The following AKAP9 variants were observed in gnomAD, a reference collection of about 807,000 sequenced individuals.
AKAP9 encodes A-kinase anchor protein 9.
In AKAP9, 311 loss-of-function variants were observed where a neutral mutation model predicts 488.5. That is an observed-to-expected ratio of 0.64 (90% CI 0.58 to 0.70). The LOEUF (loss-of-function observed/expected upper bound fraction) is 0.70, where lower values mean the gene tolerates loss of function less well. Ranked by LOEUF, AKAP9 falls within the 30% of genes least tolerant of loss-of-function variation. AKAP9 has a pLI of 0.00. For synonymous variants in AKAP9, 1,462 were observed against 1,483.5 expected (o/e 0.99, Z 0.33); for missense variants, 4,215 against 4,374.5 (o/e 0.96, Z 1.03).
chr7:92,050,028 AC>A (rs1468878258), intron 21 of AKAP9, among the ~76,000 whole-genome samples: 3 of 148,136 alleles, frequency 2.0e-5, no homozygotes, highest in Non-Finnish European at 3.0e-5. Flanking sequence ...GAATTTTCTC[AC>A]CTTTGTTCCC....
In AKAP9 at chr7:92,012,650, G is replaced by A; in HGVS notation, c.3532+8G>A. On this transcript the variant is annotated splice_region_variant and intron_variant, in intron 9 of 49. Coordinates refer to ENST00000356239, the MANE Select transcript of AKAP9 (RefSeq NM_005751.5). Reference sequence around the variant, plus strand: ...TGAAAACACAAGAAACAGGTAAAATGGTTTCTGACTTATAAGTACCATGAT... The same window carrying A: ...TGAAAACACAAGAAACAGGTAAAATAGTTTCTGACTTATAAGTACCATGAT... The A allele has an allele frequency of 6.3e-7, 1 of 1,590,300 alleles. No homozygotes were observed. Among genetic ancestry groups the A allele is most frequent in the Non-Finnish European group, 8.6e-7 (1 of 1,159,428 alleles).
Position 91,944,106 on chromosome 7 carries a change from T to C in AKAP9, c.48+2959T>C, listed in dbSNP as rs1457339622. 3.3e-5 allele frequency among the ~76,000 whole-genome samples: 5 copies of C among 152,158 alleles called. No individual in the cohort carries two copies. The East Asian group carries it at 9.6e-4, about 29-fold the overall frequency. On this transcript the variant is annotated intron_variant, in intron 1 of 49. Transcript: ENST00000356239. ...ATAAAATGTTTTATACTACCCCAAA[T>C]CTGTAATAATGGGTTAATAAATTAT...
At chr7:91,944,888 A>G (rs1271718301) in intron 1 of AKAP9, among the ~76,000 whole-genome samples, 1 of 152,188 alleles carries the variant, frequency 6.6e-6, no homozygotes, top group Non-Finnish European at 1.5e-5. Context: ...TAGACATTTT[A>G]TAGATTTCCT....
chr7:92,082,509 C>T lies in AKAP9; in HGVS notation c.8020-13C>T, dbSNP rs750113109. Reference sequence around the variant, plus strand: ...TTAAATTATGTGTTTCTTGTGTTTCCGCTGTCATTCAGACAACTACTGAGC... The same window carrying T: ...TTAAATTATGTGTTTCTTGTGTTTCTGCTGTCATTCAGACAACTACTGAGC... On this transcript the variant is annotated splice_polypyrimidine_tract_variant and intron_variant, in intron 31 of 49. Transcript: ENST00000356239. 28 of 1,612,416 alleles carry T rather than the reference C, an allele frequency of 1.7e-5. No homozygotes were observed. The highest frequency in any genetic ancestry group is 1.0e-4 in the Admixed American group (6 of 59,968).
intron 3 of AKAP9, among the ~76,000 whole-genome samples, chr7:91,983,724 C>T (rs1463799790): frequency 6.6e-6 from 1 of 152,212 alleles, no homozygotes; most frequent in East Asian, 1.9e-4. Context: ...CTGTCTTCCA[C>T]AATGGTTGAA....
chr7:92,038,499 A>G lies in AKAP9; in HGVS notation c.4419A>G (p.Ser1473=), dbSNP rs1022176606. ...RISGGKENTA[S]SKQAHAVCQQ... ...CTGGGGGAAAAGAAAATACTGCATC[A>G]TCAAAGCAAGCACATGCTGTGTGTC... is the stretch of plus-strand genomic sequence containing the variant. Residue 1473 remains serine, a synonymous_variant, in exon 17 of 50, where the codon TCA becomes TCG. Coordinates refer to ENST00000356239, the MANE Select transcript of AKAP9 (RefSeq NM_005751.5). 3.1e-6 allele frequency: 5 copies of G among 1,613,880 alleles called. No homozygotes were observed. Among genetic ancestry groups the G allele is most frequent in the East Asian group, 2.2e-5 (1 of 44,824 alleles).
chr7:91,993,811 A>G (rs578071785), intron 5 of AKAP9, among the ~76,000 whole-genome samples: 2 of 152,326 alleles, frequency 1.3e-5, no homozygotes, highest in South Asian at 4.1e-4. Flanking sequence ...AACCACATCA[A>G]AATATTATAA....
intron 21 of AKAP9, among the ~76,000 whole-genome samples, chr7:92,051,074 C>T (rs1438227993): frequency 6.6e-6 from 1 of 152,184 alleles, no homozygotes; most frequent in African/African-American, 2.4e-5. Context: ...ATGATTTACT[C>T]TTTCCATTTG....
chr7:92,092,025 T>C (rs1298279380), intron 38 of AKAP9: 1 of 152,178 alleles, frequency 6.6e-6, no homozygotes, highest in African/African-American at 2.4e-5. Context: ...CAGAAAAGAA[T>C]AGAGTGAAAA....
At chr7:91,963,611 G>A (rs899171966) in intron 1 of AKAP9, among the ~76,000 whole-genome samples, 7 of 151,654 alleles carry the variant, frequency 4.6e-5, no homozygotes, top group Admixed American at 6.6e-5. Context: ...TCCGCCTCCC[G>A]GATTCACACC....
chr7:92,003,038 A>C lies in AKAP9; in HGVS notation c.3121A>C (p.Ser1041Arg). 6.2e-7 allele frequency: 1 copy of C among 1,613,404 alleles called. No individual in the cohort carries two copies. Among genetic ancestry groups the C allele is most frequent in the Non-Finnish European group, 8.5e-7 (1 of 1,179,614 alleles). ...AEGSVSKVNKSFGEESKIMVE... is the reference protein window; with the variant it reads ...AEGSVSKVNKRFGEESKIMVE... ...AGGATCAGTTTCTAAAGTAAATAAAAGTTTTGGTGAAGAATCAAAAATAAT... is the reference window on the plus strand; with the variant it reads ...AGGATCAGTTTCTAAAGTAAATAAACGTTTTGGTGAAGAATCAAAAATAAT... Residue 1041 changes from serine to arginine, a missense_variant, in exon 8 of 50, where the codon AGT (serine) becomes CGT (arginine). This residue lies in a region of AKAP9 where 2,361 missense variants were observed against 2,430.0 expected (regional missense o/e 0.97). Coordinates refer to ENST00000356239, the MANE Select transcript of AKAP9 (RefSeq NM_005751.5).
At chr7:91,964,707 A>G (rs528361990) in intron 1 of AKAP9, among the ~76,000 whole-genome samples, 22 of 152,266 alleles carry the variant, frequency 1.4e-4, no homozygotes, top group Non-Finnish European at 3.1e-4. Context: ...AGTCTGTTTG[A>G]TACTCATATA....
chr7:92,012,460 G>A lies in AKAP9; in HGVS notation c.3350G>A (p.Arg1117His), dbSNP rs546600149. The A allele has an allele frequency of 1.6e-5, 26 of 1,613,986 alleles. No individual in the cohort carries two copies. Among genetic ancestry groups the A allele is most frequent in the East Asian group, 1.6e-4 (7 of 44,832 alleles). ...TTAAGGCTACAGATGGAAGCCCAAC[G>A]CATTTGCCTCTCTCTGGTTTATTCA... ...NDLRLQMEAQ[R>H]ICLSLVYSTH... Residue 1117 changes from arginine to histidine, a missense_variant, in exon 9 of 50, where the codon CGC (arginine) becomes CAC (histidine). This residue lies in a region of AKAP9 where 2,361 missense variants were observed against 2,430.0 expected (regional missense o/e 0.97). Transcript: ENST00000356239.
intron 15 of AKAP9, among the ~76,000 whole-genome samples, chr7:92,031,266 G>A (rs919162812): frequency 3.1e-4 from 47 of 152,012 alleles, no homozygotes; most frequent in Admixed American, 9.8e-4. Context: ...CTGTATGTTG[G>A]CATTTATAAA....
chr7:92,058,840 G>A (rs536993583), intron 22 of AKAP9, among the ~76,000 whole-genome samples: 1 of 152,102 alleles, frequency 6.6e-6, no homozygotes, highest in Admixed American at 6.6e-5. Flanking sequence ...AGGAAAAAAG[G>A]AAGCTTGGGT....
At position 92,001,336 on chromosome 7, in the gene AKAP9, TG is replaced by T; in HGVS notation, c.1420del (p.Ala474LeufsTer2). ...KTRHKGEMEN[A>X]LRSYSNITVN... ...CACGGCATAAGGGAGAAATGGAGAA[TG>T]CTTTAAGGTCATATTCAAATATTAC... On this transcript the variant is annotated frameshift_variant, in exon 8 of 50. Transcript: ENST00000356239. LOFTEE classifies it high-confidence loss of function. 1 of 1,613,854 alleles carries T rather than the reference TG, an allele frequency of 6.2e-7. No homozygotes were observed. Among genetic ancestry groups the T allele is most frequent in the Non-Finnish European group, 8.5e-7 (1 of 1,179,812 alleles).
chr7:91,958,163 G>C (rs10279943), intron 1 of AKAP9, among the ~76,000 whole-genome samples: 60,452 of 152,038 alleles, frequency 0.4, 12,301 homozygotes, highest in African/African-American at 0.45. Context: ...CATCAACATG[G>C]ATCACTATGC....
intron 7 of AKAP9, among the ~76,000 whole-genome samples, chr7:92,000,492 G>T (rs1799018722): frequency 6.6e-6 from 1 of 152,130 alleles, no homozygotes; most frequent in Non-Finnish European, 1.5e-5. Context: ...TAGCTATAGA[G>T]AATACTAAAT....
At chr7:92,017,245 G>A in intron 12 of AKAP9, 143 bp downstream of exon 12, 1 of 676,478 alleles carries the variant, frequency 1.5e-6, no homozygotes, top group Non-Finnish European at 2.6e-6. Context: ...ATTTGTAGTA[G>A]ATAATTTATA....
Sources: allele counts gnomAD v4.1 joint callset (sites outside exome capture counted in the v4.1 genomes callset), GRCh38; gene constraint gnomAD v4.1.1; regional missense constraint gnomAD v4.1.1; transcripts MANE v1.5; gene names NCBI Gene and HGNC (gene_info 2026-07-23, HGNC 2026-07-21).